The following ARHGEF3 variants were observed in gnomAD, a reference collection of about 807,000 sequenced individuals.
ARHGEF3 encodes 59.8 kDA protein.
Under a neutral mutation model 63.2 loss-of-function variants are expected in ARHGEF3, and 28 were observed. That is an observed-to-expected ratio of 0.44 (90% confidence interval 0.33 to 0.61). The LOEUF (loss-of-function observed/expected upper bound fraction) is 0.61, where lower values mean the gene tolerates loss of function less well. Ranked by LOEUF, ARHGEF3 falls within the 20% of genes least tolerant of loss-of-function variation. ARHGEF3 has a pLI of 0.03. For synonymous variants in ARHGEF3, 266 were observed against 254.2 expected (o/e 1.05, Z -0.44); for missense variants, 533 against 659.3 (o/e 0.81, Z 2.10).
At chr3:56,826,196 A>G (rs566045468) in intron 4 of ARHGEF3, among the ~76,000 whole-genome samples, 24 of 152,342 alleles carry the variant, frequency 1.6e-4, no homozygotes, top group African/African-American at 5.5e-4. Context: ...CTAAGCAAAA[A>G]TAAGCACCTG....
intron 1 of ARHGEF3, chr3:57,074,231 A>G: frequency 6.2e-7 from 1 of 1,614,010 alleles, no homozygotes; most frequent in Non-Finnish European, 8.5e-7. Context: ...CCCTCTCTAC[A>G]GTATACTCCA....
intron 7 of ARHGEF3, among the ~76,000 whole-genome samples, chr3:56,737,762 G>T (rs1356199145): frequency 6.6e-6 from 1 of 152,178 alleles, no homozygotes; most frequent in African/African-American, 2.4e-5. Context: ...CCAAAAGAGG[G>T]ACTGTCTTTG....
intron 1 of ARHGEF3, among the ~76,000 whole-genome samples, chr3:56,786,591 C>G (rs1212883033): frequency 1.3e-5 from 2 of 152,342 alleles, no homozygotes; most frequent in East Asian, 3.9e-4. Flanking sequence ...ATAACAAACA[C>G]TGGCTCTCAG....
chr3:57,014,085 C>A (rs1037998782), intron 2 of ARHGEF3, among the ~76,000 whole-genome samples: 1 of 152,164 alleles, frequency 6.6e-6, no homozygotes, highest in African/African-American at 2.4e-5. Context: ...AGACCACGAA[C>A]CCGCCAGGAG....
chr3:57,040,501 A>AGAAAAGAAAAGAAAAG (rs1704140059), intron 1 of ARHGEF3, among the ~76,000 whole-genome samples: 4 of 134,712 alleles, frequency 3.0e-5, no homozygotes, highest in African/African-American at 1.1e-4. Context: ...AAAGAAAAGA[A>AGAAAAGAAAAGAAAAG]AATACCAAAA....
chr3:57,001,401 A>G (rs920924627), intron 2 of ARHGEF3, among the ~76,000 whole-genome samples: 8 of 152,160 alleles, frequency 5.3e-5, no homozygotes, highest in Admixed American at 2.0e-4. Context: ...GTTTTTTGCC[A>G]TTTGTACAAA....
intron 2 of ARHGEF3, among the ~76,000 whole-genome samples, chr3:56,764,894 T>A (rs1015877399): frequency 1.3e-5 from 2 of 151,888 alleles, no homozygotes; most frequent in African/African-American, 2.4e-5. Flanking sequence ...GTAGCTGGGA[T>A]TACAGGCGCC....
chr3:56,964,350 C>CA (rs11347724), intron 2 of ARHGEF3, among the ~76,000 whole-genome samples: 7,105 of 100,996 alleles, frequency 0.07, 561 homozygotes, highest in East Asian at 0.21. Flanking sequence ...AAGACTGTCT[C>CA]AAAAAAAAAA....
chr3:57,034,005 A>G (rs1355089856), intron 2 of ARHGEF3, among the ~76,000 whole-genome samples: 1 of 152,118 alleles, frequency 6.6e-6, no homozygotes, highest in Non-Finnish European at 1.5e-5. Flanking sequence ...AGATTGCACC[A>G]TTGCACTCTA....
At chr3:56,849,464 C>A (rs2039599326) in intron 4 of ARHGEF3, among the ~76,000 whole-genome samples, 1 of 152,068 alleles carries the variant, frequency 6.6e-6, no homozygotes, top group Non-Finnish European at 1.5e-5. Context: ...TCATATTTTT[C>A]ATCAGTAAAA....
intron 7 of ARHGEF3, among the ~76,000 whole-genome samples, chr3:56,740,041 G>A (rs9866237): frequency 0.17 from 25,718 of 151,432 alleles, 2,547 homozygotes; most frequent in South Asian, 0.38. Context: ...CTGGGATTAC[G>A]GGCACCTGCC....
intron 3 of ARHGEF3, among the ~76,000 whole-genome samples, chr3:56,889,385 T>C (rs1242312294): frequency 6.6e-6 from 1 of 152,100 alleles, no homozygotes; most frequent in Non-Finnish European, 1.5e-5. Flanking sequence ...CAGACCTCCT[T>C]TGAGGTTTTG....
In ARHGEF3 at chr3:56,740,125, C is replaced by A. The variant is rs555689941; in HGVS notation, c.871-2770G>T. ...ATGTTGGCCAGGCTGGTCTCAAACT[C>A]CTGACCGCATGATCTGCCTGCCTTG... is the stretch of plus-strand genomic sequence containing the variant. On this transcript the variant is annotated intron_variant, in intron 7 of 9. Coordinates refer to ENST00000296315, the MANE Select transcript of ARHGEF3 (RefSeq NM_019555.3). Among the ~76,000 whole-genome samples, 285 of 152,014 alleles carry A rather than the reference C, an allele frequency of 1.9e-3. 5 individuals are homozygous for A. The highest frequency in any genetic ancestry group is 5.9e-3 in the African/African-American group (246 of 41,448).
chr3:56,768,667 C>CAAAAAAAAAAAAAAA, intron 2 of ARHGEF3, among the ~76,000 whole-genome samples: 1 of 44,054 alleles, frequency 2.3e-5, no homozygotes. Context: ...AAGCAAAATG[C>CAAAAAAAAAAAAAAA]AAAAAAAAAA....
chr3:57,042,728 G>A (rs1167519958), intron 1 of ARHGEF3, among the ~76,000 whole-genome samples: 3 of 113,210 alleles, frequency 2.6e-5, no homozygotes, highest in Non-Finnish European at 5.2e-5. Context: ...ACGGAGTCTC[G>A]CTCTGTCGCC....
chr3:56,883,847 C>T (rs1399243927), intron 3 of ARHGEF3, among the ~76,000 whole-genome samples: 3 of 152,166 alleles, frequency 2.0e-5, no homozygotes, highest in Non-Finnish European at 2.9e-5. Context: ...AGAAGTCAGC[C>T]TCCTCCTCTA....
intron 2 of ARHGEF3, among the ~76,000 whole-genome samples, chr3:56,963,228 G>A (rs1700354708): frequency 6.6e-6 from 1 of 152,068 alleles, no homozygotes; most frequent in African/African-American, 2.4e-5. Context: ...ATGGCTAGCA[G>A]GGAGTCTGGC....
At chr3:57,026,234 T>C (rs958756773) in intron 2 of ARHGEF3, among the ~76,000 whole-genome samples, 4 of 152,050 alleles carry the variant, frequency 2.6e-5, no homozygotes, top group African/African-American at 7.2e-5. Context: ...AGTCCATCTA[T>C]ACAAAAAAAT....
chr3:56,737,112 G>A, intron 8 of ARHGEF3, 73 bp downstream of exon 8: 1 of 1,409,722 alleles, frequency 7.1e-7, no homozygotes, highest in Non-Finnish European at 9.5e-7. Flanking sequence ...GAAATTCTAA[G>A]AGGAGGCTCC....
Sources: allele counts gnomAD v4.1 joint callset (sites outside exome capture counted in the v4.1 genomes callset), GRCh38; gene constraint gnomAD v4.1.1; transcripts MANE v1.5; gene names NCBI Gene and HGNC (gene_info 2026-07-23, HGNC 2026-07-21).